The following ATL2 variants were observed in gnomAD, a reference collection of about 807,000 sequenced individuals.
The protein encoded by ATL2 is atlastin-2.
In ATL2, 31 loss-of-function variants were observed where a neutral mutation model predicts 73.9. That is an observed-to-expected ratio of 0.42 (90% CI 0.32 to 0.57). The LOEUF (loss-of-function observed/expected upper bound fraction) is 0.57. ATL2 is among the 20% of genes least tolerant of loss of function. ATL2 has a pLI of 0.14. For missense variants in ATL2, 738 were observed against 702.6 expected (o/e 1.05, Z -0.57); for synonymous variants, 291 against 237.5 (o/e 1.23, Z -2.07).
chr2:38,355,520 A>C (rs1019944076), intron 1 of ATL2, among the ~76,000 whole-genome samples: 2 of 152,184 alleles, frequency 1.3e-5, no homozygotes, highest in Non-Finnish European at 2.9e-5. Context: ...ATTAATCATA[A>C]GAAAGCTAAA....
intron 2 of ATL2, among the ~76,000 whole-genome samples, chr2:38,320,961 G>A (rs1308370210): frequency 1.3e-5 from 2 of 150,676 alleles, no homozygotes. Flanking sequence ...CCTGGCCTTG[G>A]TGAAACCCCC....
intron 1 of ATL2, among the ~76,000 whole-genome samples, chr2:38,364,255 C>G (rs551017770): frequency 1.5e-3 from 231 of 151,096 alleles, no homozygotes; most frequent in African/African-American, 5.5e-3. Flanking sequence ...GAGTGAGACT[C>G]CATCTCAAAA....
chr2:38,295,951 G>T lies in ATL2; in HGVS notation c.*43C>A, dbSNP rs1184952646. The T allele has an allele frequency of 4.2e-6, 6 of 1,439,354 alleles. No individual in the cohort carries two copies. The South Asian group carries it at 7.6e-5, about 18-fold the overall frequency. 89.2% of individuals were successfully genotyped at this position (1,439,354 alleles called of 1,614,324 possible). ...TATTTGAGTTCTCATTGTACAGCAAGCATGAAAAAAAAAGAGAGTGGAGTC... is the reference window on the plus strand; with the variant it reads ...TATTTGAGTTCTCATTGTACAGCAATCATGAAAAAAAAAGAGAGTGGAGTC... On this transcript the variant is annotated 3_prime_UTR_variant, in exon 13 of 13. Transcript: ENST00000378954.
intron 12 of ATL2, among the ~76,000 whole-genome samples, chr2:38,297,514 T>A (rs1329230080): frequency 6.6e-6 from 1 of 151,890 alleles, no homozygotes; most frequent in Non-Finnish European, 1.5e-5. Context: ...CAGGCAAGAG[T>A]TCACAGCCTG....
At chr2:38,365,572 C>A (rs1671274148) in intron 1 of ATL2, among the ~76,000 whole-genome samples, 1 of 152,036 alleles carries the variant, frequency 6.6e-6, no homozygotes, top group Admixed American at 6.6e-5. Context: ...GGGTGAATCA[C>A]GAGGTCAGGA....
intron 2 of ATL2, 84 bp downstream of exon 2, chr2:38,343,184 A>ATT: frequency 8.3e-6 from 3 of 361,452 alleles, no homozygotes; most frequent in Non-Finnish European, 1.5e-5. Flanking sequence ...AAAAAGATAT[A>ATT]GTTCTGGTTT....
intron 1 of ATL2, among the ~76,000 whole-genome samples, chr2:38,352,941 G>C (rs952699297): frequency 8.5e-5 from 13 of 152,168 alleles, no homozygotes; most frequent in Admixed American, 1.3e-4. Context: ...ATGAAGCAAA[G>C]CCAAGGTCAA....
At position 38,307,684 on chromosome 2, in the gene ATL2, A is replaced by G. The variant is rs528024007; in HGVS notation, c.1071+1695T>C. On this transcript the variant is annotated intron_variant, in intron 9 of 12. Coordinates refer to ENST00000378954, the MANE Select transcript of ATL2 (RefSeq NM_001135673.4). ...GAAGACGCAACCCACAGACTGGGAG[A>G]AGACATTTGCAAACTACTAGTCTGA... is the stretch of plus-strand genomic sequence containing the variant. Among the ~76,000 whole-genome samples the G allele has an allele frequency of 2.3e-3, 346 of 152,246 alleles. 4 individuals are homozygous for G. The highest frequency in any genetic ancestry group is 7.6e-3 in the African/African-American group (315 of 41,562).
In ATL2 at chr2:38,297,940, G is replaced by C. The variant is rs1254261515; in HGVS notation, c.1632+204C>G. On this transcript the variant is annotated intron_variant, in intron 12 of 12. Coordinates refer to ENST00000378954, the MANE Select transcript of ATL2 (RefSeq NM_001135673.4). ...AAGAATCTATCCAGAGGATAGTACA[G>C]ATTTAGGCTAACCAAAGTACATTAA... is the stretch of plus-strand genomic sequence containing the variant. 7.4e-5 allele frequency: 41 copies of C among 555,530 alleles called. 1 individual carries two copies. The Admixed American group carries it at 1.2e-3, about 16-fold the overall frequency. The allele number at this position is 555,530 out of a possible 1,614,324, so 34.4% of individuals were successfully genotyped here.
intron 2 of ATL2, among the ~76,000 whole-genome samples, chr2:38,341,477 A>C (rs572537073): frequency 6.6e-6 from 1 of 152,102 alleles, no homozygotes; most frequent in African/African-American, 2.4e-5. Flanking sequence ...ATCTTTACAA[A>C]AAATTTAAAA....
At chr2:38,365,034 A>T (rs1403844641) in intron 1 of ATL2, among the ~76,000 whole-genome samples, 1 of 145,484 alleles carries the variant, frequency 6.9e-6, no homozygotes, top group African/African-American at 2.7e-5. Context: ...ACAGAGCGAG[A>T]CTCCGTCTCA....
chr2:38,349,525 G>A, intron 1 of ATL2, among the ~76,000 whole-genome samples: 1 of 111,844 alleles, frequency 8.9e-6, no homozygotes, highest in Non-Finnish European at 1.8e-5. Flanking sequence ...GACTGTTGTG[G>A]GGTGGGGGGA....
At chr2:38,321,864 C>A (rs1573476063) in intron 2 of ATL2, among the ~76,000 whole-genome samples, 1 of 152,098 alleles carries the variant, frequency 6.6e-6, no homozygotes, top group African/African-American at 2.4e-5. Flanking sequence ...AGGTGCACAC[C>A]ACCACACCTG....
At chr2:38,341,008 T>C (rs1390612062) in intron 2 of ATL2, among the ~76,000 whole-genome samples, 2 of 152,192 alleles carry the variant, frequency 1.3e-5, no homozygotes, top group African/African-American at 4.8e-5. Flanking sequence ...AATGGGGGGC[T>C]GCTACTCCAC....
intron 1 of ATL2, among the ~76,000 whole-genome samples, chr2:38,365,945 C>T (rs1294176658): frequency 6.7e-6 from 1 of 149,616 alleles, no homozygotes; most frequent in Non-Finnish European, 1.5e-5. Context: ...TAAACTCTGT[C>T]TCAAAAAAAA....
chr2:38,323,453 CT>C (rs773613811), intron 2 of ATL2, among the ~76,000 whole-genome samples: 85 of 150,416 alleles, frequency 5.7e-4, no homozygotes, highest in Non-Finnish European at 1.1e-3. Flanking sequence ...ACCTCAGCAC[CT>C]CAGCCTCTCA....
In ATL2 at chr2:38,298,238, A is replaced by G. The variant is rs1666998840; in HGVS notation, c.1538T>C (p.Ile513Thr). Residue 513 changes from isoleucine to threonine, a missense_variant, in exon 12 of 13, where the codon ATA becomes ACA. Coordinates refer to ENST00000378954, the MANE Select transcript of ATL2 (RefSeq NM_001135673.4). Reference sequence around the variant, plus strand: ...AACATATGCCCAAGTACAAAGAAATATCAGTGCTAACCCCATGACAAGGTT... The same window carrying G: ...AACATATGCCCAAGTACAAAGAAATGTCAGTGCTAACCCCATGACAAGGTT... ...LCNLVMGLAL[I>T]FLCTWAYVKY... The G allele has an allele frequency of 6.2e-7, 1 of 1,614,182 alleles. No homozygotes were observed. The highest frequency in any genetic ancestry group is 1.3e-5 in the African/African-American group (1 of 75,062).
At chr2:38,351,496 ATT>A (rs58343546) in intron 1 of ATL2, among the ~76,000 whole-genome samples, 16,697 of 143,650 alleles carry the variant, frequency 0.12, 2,908 homozygotes, top group African/African-American at 0.39. Flanking sequence ...TATATATTTA[ATT>A]TTTTTTTTTT....
At chr2:38,314,444 G>A (rs1174366905) in intron 6 of ATL2, among the ~76,000 whole-genome samples, 164 bp downstream of exon 6, 1 of 146,182 alleles carries the variant, frequency 6.8e-6, no homozygotes, top group Non-Finnish European at 1.5e-5. Flanking sequence ...TTCGCCTACT[G>A]ATAAGTATGC....
Sources: allele counts gnomAD v4.1 joint callset (sites outside exome capture counted in the v4.1 genomes callset), GRCh38; gene constraint gnomAD v4.1.1; transcripts MANE v1.5; gene names NCBI Gene and HGNC (gene_info 2026-07-23, HGNC 2026-07-21).